Variants in MECOM observed in about 807,000 individuals in gnomAD.
The protein encoded by MECOM is histone-lysine N-methyltransferase MECOM.
A neutral mutation model predicts 116.3 loss-of-function variants in MECOM; 13 were observed. That is an observed-to-expected ratio of 0.11 (90% CI 0.07 to 0.18). The LOEUF (loss-of-function observed/expected upper bound fraction) is 0.18, where lower values mean the gene tolerates loss of function less well. Ranked by LOEUF, MECOM falls within the 10% of genes least tolerant of loss-of-function variation. MECOM has a pLI of 1.00. For missense variants in MECOM, 1,299 were observed against 1,509.0 expected (o/e 0.86, Z 2.31); for synonymous variants, 528 against 535.2 (o/e 0.99, Z 0.19).
chr3:169,101,299 G>A (rs908042973), intron 11 of MECOM, among the ~76,000 whole-genome samples: 2 of 152,114 alleles, frequency 1.3e-5, no homozygotes, highest in Non-Finnish European at 2.9e-5. Flanking sequence ...ATAAAAATAT[G>A]ATAAGAGTTT....
At chr3:169,459,479 T>C (rs541502593) in intron 1 of MECOM, among the ~76,000 whole-genome samples, 1 of 152,224 alleles carries the variant, frequency 6.6e-6, no homozygotes, top group Non-Finnish European at 1.5e-5. Context: ...CTTTACCAAG[T>C]GTTTTTACCT....
chr3:169,573,558 G>A (rs1181886280), intron 1 of MECOM, among the ~76,000 whole-genome samples: 2 of 152,056 alleles, frequency 1.3e-5, no homozygotes, highest in African/African-American at 4.8e-5. Flanking sequence ...TCTTTTCCTT[G>A]TAGCCACCAA....
intron 2 of MECOM, among the ~76,000 whole-genome samples, chr3:169,285,386 A>G (rs1050590076): frequency 6.6e-6 from 1 of 152,206 alleles, no homozygotes; most frequent in African/African-American, 2.4e-5. Context: ...ACCCCACCAG[A>G]GCTTTCTGTC....
At chr3:169,601,193 T>C (rs563253352) in intron 1 of MECOM, among the ~76,000 whole-genome samples, 2 of 152,208 alleles carry the variant, frequency 1.3e-5, no homozygotes, top group Non-Finnish European at 2.9e-5. Flanking sequence ...CCTCATAGTT[T>C]TATAAGCCTT....
At position 169,191,792 on chromosome 3, in the gene MECOM, A is replaced by AAGGG. The variant is rs1553764129; in HGVS notation, c.376-47964_376-47961dup. Among the ~76,000 whole-genome samples the AAGGG allele has an allele frequency of 2.9e-3, 425 of 145,856 alleles. 11 individuals carry two copies. Among genetic ancestry groups the AAGGG allele is most frequent in the East Asian group, 0.022 (102 of 4,596 alleles). On this transcript the variant is annotated intron_variant, in intron 2 of 16. Transcript: ENST00000651503. ...AAAGAAAGAAAGAAAGAAAGAAAGAAAGGGAGGGAAGGATAAATCTCTTTG... is the reference window on the plus strand; with the variant it reads ...AAAGAAAGAAAGAAAGAAAGAAAGAAAGGGAGGGAGGGAAGGATAAATCTCTTTG...
At chr3:169,477,238 G>A (rs965132004) in intron 1 of MECOM, among the ~76,000 whole-genome samples, 1 of 148,786 alleles carries the variant, frequency 6.7e-6, no homozygotes, top group African/African-American at 2.5e-5. Context: ...TCAAATTAAG[G>A]CATCTACCCC....
At chr3:169,428,311 G>A (rs1437176486) in intron 1 of MECOM, among the ~76,000 whole-genome samples, 1 of 152,206 alleles carries the variant, frequency 6.6e-6, no homozygotes, top group African/African-American at 2.4e-5. Flanking sequence ...ACTGTGGGGG[G>A]TTGGTTTTGG....
intron 2 of MECOM, among the ~76,000 whole-genome samples, chr3:169,176,252 C>T (rs1577256558): frequency 6.6e-6 from 1 of 152,172 alleles, no homozygotes; most frequent in South Asian, 2.1e-4. Flanking sequence ...TAGCATATAT[C>T]AAGAGGATCT....
intron 2 of MECOM, among the ~76,000 whole-genome samples, chr3:169,175,304 T>C (rs187624405): frequency 6.6e-6 from 1 of 152,216 alleles, no homozygotes; most frequent in Non-Finnish European, 1.5e-5. Flanking sequence ...AAATATGACA[T>C]TTTTGAGTGC....
intron 1 of MECOM, among the ~76,000 whole-genome samples, chr3:169,447,575 G>C (rs779584756): frequency 1.3e-5 from 2 of 152,154 alleles, no homozygotes; most frequent in Non-Finnish European, 2.9e-5. Context: ...TTAATTTCTA[G>C]AAGTAAAAAT....
At chr3:169,613,983 G>T (rs1769623492) in intron 1 of MECOM, among the ~76,000 whole-genome samples, 1 of 152,042 alleles carries the variant, frequency 6.6e-6, no homozygotes, top group South Asian at 2.1e-4. Flanking sequence ...GTTTAATGGT[G>T]CTTGTTATTT....
intron 2 of MECOM, among the ~76,000 whole-genome samples, chr3:169,347,838 A>ATT (rs1345036230): frequency 6.6e-6 from 1 of 152,018 alleles, no homozygotes; most frequent in East Asian, 1.9e-4. Context: ...CGCCCAATAA[A>ATT]TACGTGTTGA....
At chr3:169,507,096 G>A (rs957899711) in intron 1 of MECOM, among the ~76,000 whole-genome samples, 3 of 152,160 alleles carry the variant, frequency 2.0e-5, no homozygotes, top group Admixed American at 2.0e-4. Context: ...CACAATGCCA[G>A]TGATATAGAC....
chr3:169,649,491 A>G (rs1774615007), intron 1 of MECOM, among the ~76,000 whole-genome samples: 1 of 151,720 alleles, frequency 6.6e-6, no homozygotes, highest in African/African-American at 2.4e-5. Flanking sequence ...AGCTCACAAA[A>G]CCAGTTTGTA....
chr3:169,470,882 A>G (rs535511783), intron 1 of MECOM, among the ~76,000 whole-genome samples: 1 of 152,090 alleles, frequency 6.6e-6, no homozygotes, highest in Non-Finnish European at 1.5e-5. Flanking sequence ...GGTCTGAGCT[A>G]TTTTTTTATT....
chr3:169,498,950 T>C lies in MECOM; in HGVS notation c.38-117426A>G, dbSNP rs530247298. Among the ~76,000 whole-genome samples, 5 of 151,650 alleles carry C rather than the reference T, an allele frequency of 3.3e-5. No individual in the cohort carries two copies. In the South Asian group the frequency reaches 1.0e-3, roughly 32 times the overall value. ...AGATGGAAAAGCGTGAAGTAAAAAA[T>C]TCAACACATGGTCTAAAGAATAAAC... On this transcript the variant is annotated intron_variant, in intron 1 of 16. Transcript: ENST00000651503.
chr3:169,353,908 A>G (rs1726815004), intron 2 of MECOM, among the ~76,000 whole-genome samples: 1 of 151,888 alleles, frequency 6.6e-6, no homozygotes, highest in African/African-American at 2.4e-5. Context: ...GTTGATAAGC[A>G]GAATACACTT....
At chr3:169,518,664 A>G (rs1465152820) in intron 1 of MECOM, among the ~76,000 whole-genome samples, 1 of 152,152 alleles carries the variant, frequency 6.6e-6, no homozygotes, top group African/African-American at 2.4e-5. Flanking sequence ...AATTCTAAGA[A>G]TAGCTCTAAT....
chr3:169,156,112 C>A (rs1440087564), intron 2 of MECOM, among the ~76,000 whole-genome samples: 1 of 152,104 alleles, frequency 6.6e-6, no homozygotes, highest in African/African-American at 2.4e-5. Context: ...ATCAGATATT[C>A]CCTGGAAATT....
Sources: gnomAD v4.1 joint callset for allele counts (sites outside exome capture counted in the v4.1 genomes callset) on GRCh38, gnomAD v4.1.1 for gene constraint, MANE v1.5 for transcripts, NCBI Gene and HGNC (gene_info 2026-07-23, HGNC 2026-07-21) for gene names.